The following ZNF804B variants were observed in gnomAD, a reference collection of about 807,000 sequenced individuals.
ZNF804B encodes the protein zinc finger 804B.
A neutral mutation model predicts 101.4 loss-of-function variants in ZNF804B; 80 were observed. The observed-to-expected ratio is 0.79, with a 90% CI of 0.66 to 0.95. The LOEUF (loss-of-function observed/expected upper bound fraction) is 0.95. Among genes scored for constraint, ZNF804B ranks in the 40% least tolerant of loss-of-function variants. ZNF804B has a pLI of 0.00. For synonymous variants in ZNF804B, 622 were observed against 558.8 expected (o/e 1.11, Z -1.59); for missense variants, 1,673 against 1,561.9 (o/e 1.07, Z -1.20).
At chr7:89,088,759 G>A (rs1173044984) in intron 1 of ZNF804B, among the ~76,000 whole-genome samples, 1 of 151,414 alleles carries the variant, frequency 6.6e-6, no homozygotes, top group African/African-American at 2.4e-5. Context: ...GCACAGTATG[G>A]ACATGCTGAG....
intron 1 of ZNF804B, among the ~76,000 whole-genome samples, chr7:88,808,840 T>C (rs1465158356): frequency 6.6e-6 from 1 of 152,126 alleles, no homozygotes; most frequent in Non-Finnish European, 1.5e-5. Context: ...AACTCAACCA[T>C]TGGTAAGTTA....
chr7:89,163,474 A>G (rs1166134727), intron 1 of ZNF804B, among the ~76,000 whole-genome samples: 2 of 152,144 alleles, frequency 1.3e-5, no homozygotes, highest in East Asian at 3.8e-4. Flanking sequence ...ATAAATTATT[A>G]AAGAATCAGC....
chr7:89,055,363 T>C (rs1789274125), intron 1 of ZNF804B, among the ~76,000 whole-genome samples: 1 of 152,156 alleles, frequency 6.6e-6, no homozygotes, highest in Admixed American at 6.6e-5. Context: ...CAAAGGGCTG[T>C]TATAATAGCA....
chr7:89,030,177 A>T (rs1788808391), intron 1 of ZNF804B, among the ~76,000 whole-genome samples: 1 of 152,322 alleles, frequency 6.6e-6, no homozygotes, highest in South Asian at 2.1e-4. Context: ...GACTGATGCC[A>T]TATTGCAGGA....
chr7:88,855,321 T>C (rs1442428093), intron 1 of ZNF804B, among the ~76,000 whole-genome samples: 2,049 of 150,596 alleles, frequency 0.014, 28 homozygotes, highest in African/African-American at 0.032. Flanking sequence ...TGGTATCTCA[T>C]TGTGGTTTTG....
chr7:89,235,378 C>T (rs1397597096), intron 2 of ZNF804B, among the ~76,000 whole-genome samples: 8 of 151,970 alleles, frequency 5.3e-5, no homozygotes, highest in Non-Finnish European at 8.8e-5. Flanking sequence ...TGGAAGTAAA[C>T]GAAAAGAGAA....
At chr7:89,203,436 G>A (rs1445639740) in intron 1 of ZNF804B, among the ~76,000 whole-genome samples, 1 of 151,964 alleles carries the variant, frequency 6.6e-6, no homozygotes, top group Non-Finnish European at 1.5e-5. Flanking sequence ...CGGCTCTTTT[G>A]GCCCTTGTAA....
At chr7:89,251,502 C>CATTAAAA (rs60402060) in intron 2 of ZNF804B, among the ~76,000 whole-genome samples, 18,518 of 151,976 alleles carry the variant, frequency 0.12, 1,194 homozygotes, top group Middle Eastern at 0.25. Flanking sequence ...GTACCAATAT[C>CATTAAAA]ATTAAAAATC....
intron 2 of ZNF804B, among the ~76,000 whole-genome samples, chr7:89,254,289 A>C (rs2115795433): frequency 6.6e-6 from 1 of 152,206 alleles, no homozygotes; most frequent in South Asian, 2.1e-4. Context: ...TCAGAAGAAA[A>C]CCGCATTTTT....
intron 1 of ZNF804B, among the ~76,000 whole-genome samples, chr7:88,932,678 G>T (rs11982742): frequency 0.17 from 25,653 of 151,166 alleles, 2,419 homozygotes; most frequent in South Asian, 0.24. Context: ...AAATATACAG[G>T]CTCCTAGATT....
chr7:88,870,286 G>A (rs1336587058), intron 1 of ZNF804B, among the ~76,000 whole-genome samples: 3 of 149,608 alleles, frequency 2.0e-5, no homozygotes, highest in Non-Finnish European at 4.4e-5. Context: ...ACGGGAGGCT[G>A]AGGCAGGAGA....
At chr7:88,910,829 A>G (rs1367537314) in intron 1 of ZNF804B, among the ~76,000 whole-genome samples, 2 of 151,966 alleles carry the variant, frequency 1.3e-5, no homozygotes, top group Non-Finnish European at 2.9e-5. Context: ...TACATCTAGT[A>G]ATGTTATCAG....
chr7:89,334,541 C>A lies in ZNF804B; in HGVS notation c.1559C>A (p.Thr520Asn), dbSNP rs184466523. 1.8e-4 allele frequency: 285 copies of A among 1,613,628 alleles called. 2 individuals carry two copies. The Middle Eastern group carries it at 3.3e-3, about 19-fold the overall frequency. Residue 520 changes from threonine to asparagine, a missense_variant, in exon 4 of 4, where the codon ACT (threonine) becomes AAT (asparagine). By Grantham distance (65) the Thr-to-Asn change is moderately conservative. Transcript: ENST00000333190. ...TKRESQVSGL[T>N]EDQQKLIQED... The stretch of plus-strand genomic sequence containing the variant: ...AGAGAGAGCCAAGTCTCAGGTTTAA[C>A]TGAAGACCAACAAAAATTGATCCAA...
chr7:88,942,501 A>AGTGTGT (rs72429940), intron 1 of ZNF804B, among the ~76,000 whole-genome samples: 29 of 86,994 alleles, frequency 3.3e-4, no homozygotes, highest in African/African-American at 7.8e-4. Context: ...TATTTGAGTG[A>AGTGTGT]GTGTGTGTGT....
chr7:89,335,623 T>G lies in ZNF804B; in HGVS notation c.2641T>G (p.Cys881Gly), dbSNP rs1424292291. The part of the protein sequence containing the change: ...NQESLGSPHI[C>G]DLGKVRPMKC... ...AGAGTCTTTGGGCAGCCCTCACATTTGTGATCTGGGAAAAGTCAGGCCCAT... is the reference window on the plus strand; with the variant it reads ...AGAGTCTTTGGGCAGCCCTCACATTGGTGATCTGGGAAAAGTCAGGCCCAT... Residue 881 changes from cysteine (C) to glycine (G), a missense_variant, in exon 4 of 4, where the codon TGT becomes GGT. Transcript: ENST00000333190. The G allele has an allele frequency of 1.2e-6, 2 of 1,613,988 alleles. No individual in the cohort carries two copies. Among genetic ancestry groups the G allele is most frequent in the Non-Finnish European group, 1.7e-6 (2 of 1,179,974 alleles).
chr7:88,859,008 G>C (rs1417156785), intron 1 of ZNF804B, among the ~76,000 whole-genome samples: 6 of 151,974 alleles, frequency 3.9e-5, no homozygotes, highest in Admixed American at 2.0e-4. Context: ...ATATATAAAT[G>C]AACACCATTA....
At chr7:88,918,375 C>T (rs1475317508) in intron 1 of ZNF804B, among the ~76,000 whole-genome samples, 1 of 152,052 alleles carries the variant, frequency 6.6e-6, no homozygotes, top group Non-Finnish European at 1.5e-5. Context: ...CTCTTACTGT[C>T]AAGTCAAAAT....
intron 1 of ZNF804B, among the ~76,000 whole-genome samples, chr7:89,049,800 T>A (rs1236551747): frequency 6.6e-6 from 1 of 152,046 alleles, no homozygotes; most frequent in Non-Finnish European, 1.5e-5. Context: ...TAATGTAAAG[T>A]CAGAGGTTCA....
intron 1 of ZNF804B, among the ~76,000 whole-genome samples, chr7:89,017,343 T>G (rs1235868622): frequency 6.6e-6 from 1 of 152,138 alleles, no homozygotes. Flanking sequence ...TCTCCTGCCT[T>G]ACTGCCCTGG....
Sources: gnomAD v4.1 joint callset for allele counts (sites outside exome capture counted in the v4.1 genomes callset) on GRCh38, gnomAD v4.1.1 for gene constraint, MANE v1.5 for transcripts, NCBI Gene and HGNC (gene_info 2026-07-23, HGNC 2026-07-21) for gene names.